LZTS1: variants seen among roughly 807,000 people sequenced by gnomAD.
The protein encoded by LZTS1 is leucine zipper putative tumor suppressor 1.
A neutral mutation model predicts 45.8 loss-of-function variants in LZTS1; 31 were observed. The observed-to-expected ratio is 0.68, with a 90% CI of 0.51 to 0.91. LZTS1 has a LOEUF of 0.91. LZTS1 is among the 40% of genes least tolerant of loss of function. LZTS1 has a pLI of 0.00. For synonymous variants in LZTS1, 359 were observed against 357.3 expected, an observed-to-expected ratio of 1.00 and a Z score of -0.05; for missense variants, 821 against 788.9, an observed-to-expected ratio of 1.04 and a Z score of -0.49.
chr8:20,275,270 C>T (rs149687286), intron 1 of LZTS1, among the ~76,000 whole-genome samples: 8,641 of 151,722 alleles, frequency 0.057, 824 homozygotes, highest in African/African-American at 0.2. Flanking sequence ...GGTGTGGTGG[C>T]GGGCAGCTGT....
At chr8:20,287,561 G>GC (rs1800813925) in intron 1 of LZTS1, among the ~76,000 whole-genome samples, 1 of 152,114 alleles carries the variant, frequency 6.6e-6, no homozygotes. Flanking sequence ...CCGTCTTCAG[G>GC]GCAGGGAGGT....
At position 20,249,582 on chromosome 8, in the gene LZTS1, C is replaced by T; in HGVS notation, c.*140G>A. ...AGAGAGGGAAGGAAAGGCCATCCTG[C>T]CCTCCCCTCGGGGGTCCTGGGTCTG... is the stretch of plus-strand genomic sequence containing the variant. On this transcript the variant is annotated 3_prime_UTR_variant, in exon 4 of 4. Coordinates refer to ENST00000381569, the MANE Select transcript of LZTS1 (RefSeq NM_021020.5). 1.9e-6 allele frequency: 2 copies of T among 1,054,648 alleles called. No homozygotes were observed. Among genetic ancestry groups the T allele is most frequent in the East Asian group, 5.2e-5 (2 of 38,544 alleles). The allele number at this position is 1,054,648 out of a possible 1,614,324, so 65.3% of individuals were successfully genotyped here. A position where few individuals can be genotyped will look rare whatever the true frequency, so the allele number is the denominator to read the frequency against.
At chr8:20,272,455 A>G (rs729360) in intron 1 of LZTS1, among the ~76,000 whole-genome samples, 58,592 of 151,754 alleles carry the variant, frequency 0.39, 11,715 homozygotes, top group South Asian at 0.44. Flanking sequence ...TGGTCTTTGT[A>G]TTTTGAAGTG....
rs1283875714 is a variant in LZTS1 at position 20,249,542 on chromosome 8, G to A, written c.*180C>T. 9.8e-6 allele frequency: 7 copies of A among 713,536 alleles called. No homozygotes were observed. Among genetic ancestry groups the A allele is most frequent in the African/African-American group, 1.8e-5 (1 of 55,828 alleles). 44.2% of individuals were successfully genotyped at this position (713,536 alleles called of 1,614,324 possible). Reference sequence around the variant, plus strand: ...ACGTCTGGTGGGCTGCAGGGCTGGTGAGCACTGGGACATCAGAGAGGGAAG... The same window carrying A: ...ACGTCTGGTGGGCTGCAGGGCTGGTAAGCACTGGGACATCAGAGAGGGAAG... On this transcript the variant is annotated 3_prime_UTR_variant, in exon 4 of 4. Coordinates refer to ENST00000381569, the MANE Select transcript of LZTS1 (RefSeq NM_021020.5).
intron 1 of LZTS1, 86 bp from the exon 2 acceptor site, chr8:20,255,401 G>C (rs1184745847): frequency 1.1e-5 from 10 of 947,396 alleles, no homozygotes; most frequent in Admixed American, 3.1e-5. Context: ...CTGGGCAGTA[G>C]AGAAACACAT....
intron 1 of LZTS1, among the ~76,000 whole-genome samples, chr8:20,296,781 A>T (rs1272100162): frequency 6.6e-6 from 1 of 152,164 alleles, no homozygotes; most frequent in African/African-American, 2.4e-5. Context: ...ATCTTCTCCC[A>T]CAATGATTAA....
intron 2 of LZTS1, 86 bp downstream of exon 2, chr8:20,254,751 C>G: frequency 8.7e-7 from 1 of 1,146,102 alleles, no homozygotes; most frequent in Non-Finnish European, 1.2e-6. Context: ...GGTCACCACT[C>G]CCCCTGAACC....
intron 1 of LZTS1, among the ~76,000 whole-genome samples, chr8:20,274,493 C>G (rs932161883): frequency 2.6e-5 from 4 of 152,188 alleles, no homozygotes; most frequent in African/African-American, 9.6e-5. Flanking sequence ...TGTGGGCACT[C>G]ATGCCTCAGT....
chr8:20,269,512 G>A (rs1225021906), intron 1 of LZTS1, among the ~76,000 whole-genome samples: 4 of 152,232 alleles, frequency 2.6e-5, no homozygotes, highest in Admixed American at 6.5e-5. Flanking sequence ...CTGAGTCTGA[G>A]TGATGAACCG....
In LZTS1 at chr8:20,246,197, T is replaced by C. The variant is rs1415664400; in HGVS notation, c.*3525A>G. 3 of 152,590 alleles carry C rather than the reference T, an allele frequency of 2.0e-5. No individual in the cohort carries two copies. Among genetic ancestry groups the C allele is most frequent in the Non-Finnish European group, 4.4e-5 (3 of 68,026 alleles). The allele number at this position is 152,590 out of a possible 1,614,324, so 9.5% of individuals were successfully genotyped here. A position where few individuals can be genotyped will look rare whatever the true frequency, so the allele number is the denominator to read the frequency against. On this transcript the variant is annotated 3_prime_UTR_variant, in exon 4 of 4. Coordinates refer to ENST00000381569, the MANE Select transcript of LZTS1 (RefSeq NM_021020.5). ...CGTGAGAAATGGCATTCTTTATTCA[T>C]AAATAAAAACATAAAATTGCCACAA...
At position 20,254,943 on chromosome 8, in the gene LZTS1, G is replaced by A; in HGVS notation, c.239C>T (p.Pro80Leu). Residue 80 changes from proline (P) to leucine (L), a missense_variant, in exon 2 of 4, where the codon CCA (proline) becomes CTA (leucine). Transcript: ENST00000381569. ...VSQKARGSHHPDYTALSSGDL... is the reference protein window; with the variant it reads ...VSQKARGSHHLDYTALSSGDL... ...CCCGCTGGACAGTGCCGTGTAATCT[G>A]GGTGATGGGAGCCCCGGGCTTTCTG... The A allele has an allele frequency of 6.2e-7, 1 of 1,614,212 alleles. No homozygotes were observed. The highest frequency in any genetic ancestry group is 1.1e-5 in the South Asian group (1 of 91,082).
Position 20,249,596 on chromosome 8 carries a change from G to A in LZTS1, c.*126C>T. The A allele has an allele frequency of 1.7e-6, 2 of 1,208,416 alleles. No homozygotes were observed. The highest frequency in any genetic ancestry group is 1.5e-5 in the South Asian group (1 of 65,914). 74.9% of individuals were successfully genotyped at this position (1,208,416 alleles called of 1,614,324 possible). On this transcript the variant is annotated 3_prime_UTR_variant, in exon 4 of 4. Coordinates refer to ENST00000381569, the MANE Select transcript of LZTS1 (RefSeq NM_021020.5). ...AGGCCATCCTGCCCTCCCCTCGGGG[G>A]TCCTGGGTCTGTGTCCCAGGGAGTG...
At chr8:20,257,307 C>T (rs1225671819) in intron 1 of LZTS1, among the ~76,000 whole-genome samples, 1 of 152,110 alleles carries the variant, frequency 6.6e-6, no homozygotes, top group Non-Finnish European at 1.5e-5. Context: ...TTGCAGTGAG[C>T]TGAGATCACG....
intron 1 of LZTS1, among the ~76,000 whole-genome samples, chr8:20,262,862 A>G (rs1800271625): frequency 6.6e-6 from 1 of 152,188 alleles, no homozygotes; most frequent in Non-Finnish European, 1.5e-5. Context: ...TTTGGGGGGA[A>G]GAGGAGGAAA....
chr8:20,301,851 C>T (rs946576900), intron 1 of LZTS1, among the ~76,000 whole-genome samples: 1 of 152,154 alleles, frequency 6.6e-6, no homozygotes, highest in Non-Finnish European at 1.5e-5. Context: ...ACAAGCTGAA[C>T]TGCTGAGACA....
In LZTS1 at chr8:20,253,493, G is replaced by A. The variant is rs35103297; in HGVS notation, c.438C>T (p.Ser146=). 0.02 allele frequency: 31,357 copies of A among 1,592,020 alleles called. 492 individuals carry two copies. Among genetic ancestry groups the A allele is most frequent in the African/African-American group, 0.052 (3,911 of 74,786 alleles). Residue 146 remains serine, a synonymous_variant, in exon 3 of 4, where the codon AGC becomes AGT. Transcript: ENST00000381569. ...AILHSSPESA[S]HQLHPAPPDK... is the part of the protein sequence containing the mutation. ...CTGGAGGGGCGGGGTGCAGCTGGTGGCTGGCACTCTCCGGGGAGGAGTGCA... is the reference window on the plus strand; with the variant it reads ...CTGGAGGGGCGGGGTGCAGCTGGTGACTGGCACTCTCCGGGGAGGAGTGCA...
intron 1 of LZTS1, among the ~76,000 whole-genome samples, chr8:20,291,008 C>G (rs1182831719): frequency 1.3e-5 from 2 of 152,234 alleles, no homozygotes; most frequent in Non-Finnish European, 2.9e-5. Flanking sequence ...CCCCTCAGCT[C>G]CTCCACTCCT....
chr8:20,249,578 C>A lies in LZTS1; in HGVS notation c.*144G>T, dbSNP rs144618026. The A allele has an allele frequency of 4.2e-4, 430 of 1,021,470 alleles. 2 individuals are homozygous for A. In the East Asian group the frequency reaches 0.011, roughly 26 times the overall value. 63.3% of individuals were successfully genotyped at this position (1,021,470 alleles called of 1,614,324 possible). On this transcript the variant is annotated 3_prime_UTR_variant, in exon 4 of 4. Transcript: ENST00000381569. Reference sequence around the variant, plus strand: ...CATCAGAGAGGGAAGGAAAGGCCATCCTGCCCTCCCCTCGGGGGTCCTGGG... The same window carrying A: ...CATCAGAGAGGGAAGGAAAGGCCATACTGCCCTCCCCTCGGGGGTCCTGGG...
chr8:20,299,440 C>G (rs954699399), intron 1 of LZTS1, among the ~76,000 whole-genome samples: 1 of 152,216 alleles, frequency 6.6e-6, no homozygotes, highest in African/African-American at 2.4e-5. Flanking sequence ...CAGTTTTCAA[C>G]TTACTTGTCA....
Sources: gnomAD v4.1 joint callset for allele counts (sites outside exome capture counted in the v4.1 genomes callset) on GRCh38, gnomAD v4.1.1 for gene constraint, MANE v1.5 for transcripts, NCBI Gene and HGNC (gene_info 2026-07-23, HGNC 2026-07-21) for gene names.